HADH: variants seen among roughly 807,000 people sequenced by gnomAD.
The protein encoded by HADH is hydroxyacyl-coenzyme A dehydrogenase, mitochondrial.
A neutral mutation model predicts 32.2 loss-of-function variants in HADH; 24 were observed. The ratio of observed to expected loss-of-function variants is 0.75; its 90% CI spans 0.54 to 1.05. The LOEUF (loss-of-function observed/expected upper bound fraction) is 1.05. HADH is among the 50% of genes least tolerant of loss of function. HADH has a pLI of 0.00. For missense variants in HADH, 350 were observed against 397.1 expected (o/e 0.88, Z 1.01); for synonymous variants, 139 against 152.5 (o/e 0.91, Z 0.65).
chr4:108,008,217 G>A (rs1054017067), intron 1 of HADH, among the ~76,000 whole-genome samples: 2 of 152,148 alleles, frequency 1.3e-5, no homozygotes, highest in African/African-American at 4.8e-5. Context: ...CTGCTGATGG[G>A]CTGGTTTCCT....
intron 1 of HADH, among the ~76,000 whole-genome samples, chr4:107,998,961 G>A (rs184857722): frequency 6.6e-6 from 1 of 152,292 alleles, no homozygotes; most frequent in Admixed American, 6.5e-5. Context: ...TGATCTCTGG[G>A]TTGTCTTCCT....
intron 5 of HADH, 117 bp from the exon 6 acceptor site, chr4:108,027,571 G>T: frequency 1.3e-6 from 1 of 765,200 alleles, no homozygotes; most frequent in African/African-American, 1.7e-5. Flanking sequence ...AAAATGTACA[G>T]CTTGATAAAT....
At chr4:108,012,978 G>T (rs1735550635) in intron 2 of HADH, among the ~76,000 whole-genome samples, 1 of 152,162 alleles carries the variant, frequency 6.6e-6, no homozygotes, top group African/African-American at 2.4e-5. Flanking sequence ...TGTAGCCAAG[G>T]CTGGAGTGCA....
intron 6 of HADH, chr4:108,029,614 A>T (rs1736189584): frequency 6.6e-6 from 1 of 152,316 alleles, no homozygotes; most frequent in African/African-American, 2.4e-5. Flanking sequence ...CTGGGGTTCC[A>T]GGCACATGGT....
In HADH at chr4:107,990,068, A is replaced by G. The variant is rs2126215534; in HGVS notation, c.132+4A>G. The G allele has an allele frequency of 6.2e-7, 1 of 1,607,414 alleles. No individual in the cohort carries two copies. The highest frequency in any genetic ancestry group is 1.1e-5 in the South Asian group (1 of 89,772). The stretch of plus-strand genomic sequence containing the variant: ...GATGGGCGCCGGCATTGCCCAGGTG[A>G]GCGGCCCTCCCTGCAGCGTGCCCAC... On this transcript the variant is annotated splice_donor_region_variant and intron_variant, in intron 1 of 7. Coordinates refer to ENST00000309522, the MANE Select transcript of HADH (RefSeq NM_005327.7).
chr4:108,022,215 G>A (rs1270261121), intron 4 of HADH, among the ~76,000 whole-genome samples: 9 of 151,420 alleles, frequency 5.9e-5, no homozygotes, highest in African/African-American at 2.2e-4. Context: ...GTGTGTGTGT[G>A]TGTGTGTGTA....
intron 6 of HADH, chr4:108,032,094 A>G: frequency 2.5e-6 from 1 of 402,072 alleles, no homozygotes; most frequent in East Asian, 3.5e-5. Flanking sequence ...ATGTTTAAGT[A>G]GTTTCTCTCT....
chr4:108,019,347 A>T (rs968083596), intron 3 of HADH, among the ~76,000 whole-genome samples, 193 bp from the exon 4 acceptor site: 2 of 152,202 alleles, frequency 1.3e-5, no homozygotes, highest in African/African-American at 4.8e-5. Flanking sequence ...TTTCAAATTT[A>T]AAAATTTTTA....
At chr4:108,009,992 T>TC (rs1157231383) in intron 2 of HADH, 105 bp downstream of exon 2, 8 of 857,772 alleles carry the variant, frequency 9.3e-6, no homozygotes, top group East Asian at 2.5e-5. Flanking sequence ...TTTTTTTTTT[T>TC]TTCAGTTTGT....
At chr4:108,033,082 G>A (rs766021648) in intron 6 of HADH, 94 bp from the exon 7 acceptor site, 7 of 789,012 alleles carry the variant, frequency 8.9e-6, no homozygotes, top group Admixed American at 1.7e-5. Flanking sequence ...TATTGTGCAA[G>A]CATATAAAAT....
chr4:108,027,807 G>A lies in HADH; in HGVS notation c.709+47G>A, dbSNP rs547957435. The A allele has an allele frequency of 1.3e-5, 14 of 1,089,396 alleles. No homozygotes were observed. In the Middle Eastern group the frequency reaches 6.0e-4, roughly 46 times the overall value. 67.5% of individuals were successfully genotyped at this position (1,089,396 alleles called of 1,614,324 possible). On this transcript the variant is annotated intron_variant, in intron 6 of 7. Transcript: ENST00000309522. ...GGAGCAGCAGACCTCAGCTCCTGGC[G>A]CCACTGTCTGGAATTCTCAGTGTCT...
rs770417759 is a variant in HADH, at chr4:108,009,755, C to T, written c.133-4C>T. On this transcript the variant is annotated splice_polypyrimidine_tract_variant and splice_region_variant and intron_variant, in intron 1 of 7. Transcript: ENST00000309522. ...AAAAAGAAATTGTTCTTTTGTTGCT[C>T]TAGGTTGCTGCAGCAACTGGTCACA... is the stretch of plus-strand genomic sequence containing the variant. 1.2e-6 allele frequency: 2 copies of T among 1,613,426 alleles called. No individual in the cohort carries two copies. The highest frequency in any genetic ancestry group is 3.3e-5 in the Admixed American group (2 of 59,998).
intron 3 of HADH, among the ~76,000 whole-genome samples, chr4:108,017,257 C>T (rs1363614717): frequency 6.6e-6 from 1 of 152,204 alleles, no homozygotes; most frequent in African/African-American, 2.4e-5. Flanking sequence ...CATGACTTCT[C>T]TAGCAGCAGC....
chr4:108,014,007 T>A (rs566213050), intron 2 of HADH, among the ~76,000 whole-genome samples: 63 of 152,280 alleles, frequency 4.1e-4, no homozygotes, highest in Non-Finnish European at 8.5e-4. Context: ...TCTGTCCTTA[T>A]TGAGGTCTGT....
chr4:108,000,689 G>A (rs1414051702), intron 1 of HADH, among the ~76,000 whole-genome samples: 1 of 152,180 alleles, frequency 6.6e-6, no homozygotes, highest in South Asian at 2.1e-4. Context: ...GAGAGATGGT[G>A]TCCATGTTAG....
chr4:108,007,527 C>T (rs570831883), intron 1 of HADH, among the ~76,000 whole-genome samples: 1 of 152,176 alleles, frequency 6.6e-6, no homozygotes, highest in African/African-American at 2.4e-5. Flanking sequence ...ACAATGTGGC[C>T]TTCAGGTGGC....
intron 1 of HADH, among the ~76,000 whole-genome samples, chr4:107,994,255 TA>T (rs1436855895): frequency 6.6e-6 from 1 of 152,130 alleles, no homozygotes; most frequent in African/African-American, 2.4e-5. Flanking sequence ...TCCTCCTTTT[TA>T]AAAAGCAGAA....
At chr4:108,019,805 T>C (rs963292997) in intron 4 of HADH, 139 bp downstream of exon 4, 44 of 910,398 alleles carry the variant, frequency 4.8e-5, no homozygotes, top group Non-Finnish European at 6.9e-5. Flanking sequence ...CTGAGCCTCA[T>C]ATCTAGGAGG....
chr4:108,004,499 C>A, intron 1 of HADH: 1 of 471,904 alleles, frequency 2.1e-6, no homozygotes, highest in Non-Finnish European at 3.6e-6. Context: ...TCCAGTGCAG[C>A]TGCCTGGCTT....
Sources: allele counts gnomAD v4.1 joint callset (sites outside exome capture counted in the v4.1 genomes callset), GRCh38; gene constraint gnomAD v4.1.1; transcripts MANE v1.5; gene names NCBI Gene and HGNC (gene_info 2026-07-23, HGNC 2026-07-21).